Variants in CBL observed in about 807,000 individuals in gnomAD.
CBL encodes the protein E3 ubiquitin-protein ligase CBL.
CBL carries 45 observed loss-of-function variants against 96.9 expected under a neutral mutation model. That is an observed-to-expected ratio of 0.46 (90% CI 0.37 to 0.60). CBL has a LOEUF of 0.60. Among genes scored for constraint, CBL ranks in the 20% least tolerant of loss-of-function variants. The pLI is 0.00. For synonymous variants in CBL, 420 were observed against 426.8 expected, an observed-to-expected ratio of 0.98 and a Z score of 0.20; for missense variants, 1,024 against 1,143.5, an observed-to-expected ratio of 0.90 and a Z score of 1.51.
chr11:119,206,739 C>A, intron 1 of CBL, 127 bp downstream of exon 1: 2 of 288,670 alleles, frequency 6.9e-6, no homozygotes, highest in Non-Finnish European at 9.2e-6. Flanking sequence ...GGCGCGGAGC[C>A]GGGGTGACCG....
At chr11:119,270,436 A>ATATATATT (rs1565870008) in intron 2 of CBL, among the ~76,000 whole-genome samples, 1 of 38,656 alleles carries the variant, frequency 2.6e-5, no homozygotes, top group Non-Finnish European at 4.3e-5. Context: ...ATATATATAT[A>ATATATATT]TTTTTTTTTT....
At chr11:119,243,167 A>G (rs535359689) in intron 2 of CBL, among the ~76,000 whole-genome samples, 1 of 152,242 alleles carries the variant, frequency 6.6e-6, no homozygotes, top group Admixed American at 6.5e-5. Flanking sequence ...AATCCCAGCT[A>G]CTTGGCAAGC....
intron 2 of CBL, among the ~76,000 whole-genome samples, chr11:119,246,986 T>G (rs1386172409): frequency 1.3e-5 from 2 of 152,152 alleles, no homozygotes; most frequent in African/African-American, 4.8e-5. Flanking sequence ...AAAAGTTTGG[T>G]ATTGGGAAGC....
chr11:119,228,832 C>T (rs1166593596), intron 1 of CBL, among the ~76,000 whole-genome samples: 1 of 147,750 alleles, frequency 6.8e-6, no homozygotes, highest in Admixed American at 6.8e-5. Flanking sequence ...TTTTTGGAGA[C>T]GTGGTTTCGC....
chr11:119,221,404 A>T (rs866974113), intron 1 of CBL, among the ~76,000 whole-genome samples: 4 of 152,258 alleles, frequency 2.6e-5, no homozygotes, highest in Middle Eastern at 3.4e-3. Context: ...TTTAAAAATT[A>T]AACCAAAAAC....
At chr11:119,287,708 C>T (rs767098026) in intron 11 of CBL, 144 bp from the exon 12 acceptor site, 29 of 692,466 alleles carry the variant, frequency 4.2e-5, no homozygotes, top group East Asian at 1.9e-4. Context: ...GGCCCCTAAG[C>T]GTTTGGTCAG....
chr11:119,277,896 ATTC>A, intron 7 of CBL, 52 bp downstream of exon 7: 1 of 1,230,324 alleles, frequency 8.1e-7, no homozygotes, highest in Non-Finnish European at 1.2e-6. Context: ...GCTTTAGTAT[ATTC>A]TTTATAGAAC....
intron 1 of CBL, among the ~76,000 whole-genome samples, chr11:119,220,326 T>C (rs542541226): frequency 6.6e-6 from 1 of 152,136 alleles, no homozygotes; most frequent in East Asian, 1.9e-4. Flanking sequence ...AAAGTAGAAC[T>C]GGCTGGGTGC....
chr11:119,258,309 C>T (rs1407506195), intron 2 of CBL, among the ~76,000 whole-genome samples: 1 of 152,162 alleles, frequency 6.6e-6, no homozygotes, highest in African/African-American at 2.4e-5. Flanking sequence ...CATGGTTCTA[C>T]AGGCAGTACA....
At chr11:119,208,544 C>T (rs1592365822) in intron 1 of CBL, among the ~76,000 whole-genome samples, 2 of 151,936 alleles carry the variant, frequency 1.3e-5, no homozygotes, top group East Asian at 3.8e-4. Flanking sequence ...TGCGCGCCAC[C>T]ACGCCCAGCT....
chr11:119,306,570 C>CT lies in CBL; in HGVS notation c.*6790dup, dbSNP rs1202115256. Reference sequence around the variant, plus strand: ...TGCCTGTGTGTCAGCTCCCTCCTCTCTACCTACCTCTGACCTTCTTGTGGG... The same window carrying CT: ...TGCCTGTGTGTCAGCTCCCTCCTCTCTTACCTACCTCTGACCTTCTTGTGGG... On this transcript the variant is annotated 3_prime_UTR_variant, in exon 16 of 16. Coordinates refer to ENST00000264033, the MANE Select transcript of CBL (RefSeq NM_005188.4). 4 of 391,134 alleles carry CT rather than the reference C, an allele frequency of 1.0e-5. No individual in the cohort carries two copies. Among genetic ancestry groups the CT allele is most frequent in the Non-Finnish European group, 1.8e-5 (4 of 221,614 alleles). 24.2% of individuals were successfully genotyped at this position (391,134 alleles called of 1,614,324 possible).
At chr11:119,257,763 T>C (rs991305546) in intron 2 of CBL, among the ~76,000 whole-genome samples, 3 of 152,132 alleles carry the variant, frequency 2.0e-5, no homozygotes, top group Admixed American at 6.5e-5. Flanking sequence ...TTCTTCTACA[T>C]GTGGCTATGC....
intron 6 of CBL, among the ~76,000 whole-genome samples, chr11:119,276,609 A>G (rs942290960): frequency 6.6e-6 from 1 of 152,212 alleles, no homozygotes; most frequent in Non-Finnish European, 1.5e-5. Context: ...CTAAGTCCTT[A>G]TTTATTCCAG....
intron 1 of CBL, among the ~76,000 whole-genome samples, chr11:119,215,026 C>T (rs1408195628): frequency 6.6e-6 from 1 of 151,514 alleles, no homozygotes; most frequent in Non-Finnish European, 1.5e-5. Context: ...GAAAAGCTCA[C>T]CCAAAGGATG....
chr11:119,284,167 CTTCT>C (rs1949962618), intron 9 of CBL, among the ~76,000 whole-genome samples: 1 of 152,104 alleles, frequency 6.6e-6, no homozygotes, highest in Non-Finnish European at 1.5e-5. Flanking sequence ...CGACTCTCAT[CTTCT>C]TTCTTACCTT....
chr11:119,297,332 A>AATG (rs1029347567), intron 13 of CBL, 52 bp from the exon 14 acceptor site: 6 of 1,332,920 alleles, frequency 4.5e-6, no homozygotes, highest in Non-Finnish European at 6.5e-6. Flanking sequence ...ATAAGTTTAT[A>AATG]GATAACAGTT....
At chr11:119,274,081 C>CTTTTT in intron 4 of CBL, 57 bp downstream of exon 4, 4 of 916,452 alleles carry the variant, frequency 4.4e-6, no homozygotes, top group Non-Finnish European at 6.5e-6. Context: ...GAAGAGAAAG[C>CTTTTT]TTTTTTTTTT....
chr11:119,289,923 T>A (rs1283191220), intron 12 of CBL, among the ~76,000 whole-genome samples: 4 of 152,182 alleles, frequency 2.6e-5, no homozygotes, highest in Non-Finnish European at 5.9e-5. Context: ...TTTAATTTTT[T>A]ATTTTTAATA....
At chr11:119,255,899 CT>C (rs199688681) in intron 2 of CBL, among the ~76,000 whole-genome samples, 3 of 150,316 alleles carry the variant, frequency 2.0e-5, no homozygotes, top group Non-Finnish European at 3.0e-5. Context: ...TTAATTTATA[CT>C]TTAAAAAAAA....
Sources: allele counts gnomAD v4.1 joint callset (sites outside exome capture counted in the v4.1 genomes callset), GRCh38; gene constraint gnomAD v4.1.1; transcripts MANE v1.5; gene names NCBI Gene and HGNC (gene_info 2026-07-23, HGNC 2026-07-21).